NDUFS4: variants seen among roughly 807,000 people sequenced by gnomAD.
NDUFS4 encodes NADH:ubiquinone oxidoreductase subunit S4.
NDUFS4 carries 28 observed loss-of-function variants against 24.3 expected under a neutral mutation model. The ratio of observed to expected loss-of-function variants is 1.15; its 90% CI spans 0.85 to 1.58. The LOEUF is 1.58. NDUFS4 is among the 40% of genes most tolerant of loss of function. The probability of loss-of-function intolerance (pLI) is 0.00; values close to 1 mark genes in which losing one functional copy is unlikely to be tolerated. For missense variants in NDUFS4, 223 were observed against 207.9 expected (o/e 1.07, Z -0.45); for synonymous variants, 93 against 69.7 (o/e 1.34, Z -1.67).
At position 53,646,306 on chromosome 5, in the gene NDUFS4, G is replaced by T. The variant is rs374491359; in HGVS notation, c.251G>T (p.Arg84Leu). The T allele has an allele frequency of 5.6e-6, 9 of 1,613,340 alleles. No individual in the cohort carries two copies. The Admixed American group carries it at 8.3e-5, about 15-fold the overall frequency. ...TRKVRIFVPARNNMQSGVNNT... is the reference protein window; with the variant it reads ...TRKVRIFVPALNNMQSGVNNT... ...AAAGTCAGGATCTTTGTTCCTGCTC[G>T]CAATAACATGCAGTCTGGAGTAAAC... Residue 84 changes from arginine to leucine, a missense_variant, in exon 3 of 5, where the codon CGC becomes CTC. By Grantham distance (102) the Arg-to-Leu change is moderately radical. Transcript: ENST00000296684.
chr5:53,633,289 A>T (rs1226383648), intron 2 of NDUFS4, among the ~76,000 whole-genome samples: 1 of 152,176 alleles, frequency 6.6e-6, no homozygotes, highest in Non-Finnish European at 1.5e-5. Flanking sequence ...TGAATATTTT[A>T]TGAAGAAGGC....
chr5:53,647,176 G>A (rs1751893406), intron 3 of NDUFS4, among the ~76,000 whole-genome samples: 3 of 151,356 alleles, frequency 2.0e-5, no homozygotes, highest in Admixed American at 6.6e-5. Context: ...GAGATATTGT[G>A]ATTAATAATA....
At chr5:53,661,104 G>C (rs1752330129) in intron 4 of NDUFS4, among the ~76,000 whole-genome samples, 1 of 152,110 alleles carries the variant, frequency 6.6e-6, no homozygotes, top group Non-Finnish European at 1.5e-5. Context: ...GTATTGCCTA[G>C]GTTTTCTTCT....
chr5:53,567,543 A>G (rs1240275554), intron 1 of NDUFS4, among the ~76,000 whole-genome samples: 1 of 152,158 alleles, frequency 6.6e-6, no homozygotes, highest in East Asian at 1.9e-4. Flanking sequence ...AAAAATATAT[A>G]TAACAAGATA....
chr5:53,621,851 G>A (rs1207108288), intron 2 of NDUFS4, among the ~76,000 whole-genome samples: 7 of 151,498 alleles, frequency 4.6e-5, no homozygotes, highest in Non-Finnish European at 1.0e-4. Context: ...ACAGGCGTGC[G>A]CCACCATGCC....
At chr5:53,632,911 A>G (rs1751445811) in intron 2 of NDUFS4, among the ~76,000 whole-genome samples, 1 of 152,246 alleles carries the variant, frequency 6.6e-6, no homozygotes, top group Non-Finnish European at 1.5e-5. Context: ...TTTTAAACCA[A>G]CCTTTAAAAA....
intron 1 of NDUFS4, among the ~76,000 whole-genome samples, chr5:53,576,853 G>A (rs1247769562): frequency 6.6e-6 from 1 of 152,114 alleles, no homozygotes. Flanking sequence ...GCTAATGTTT[G>A]TTCACCCATT....
chr5:53,681,719 A>G (rs1740671708), intron 4 of NDUFS4, among the ~76,000 whole-genome samples: 1 of 152,076 alleles, frequency 6.6e-6, no homozygotes, highest in South Asian at 2.1e-4. Context: ...CCATTTCCTT[A>G]TAGTTATTGG....
At chr5:53,668,653 G>T (rs1325287417) in intron 4 of NDUFS4, among the ~76,000 whole-genome samples, 2 of 148,118 alleles carry the variant, frequency 1.4e-5, no homozygotes, top group African/African-American at 5.0e-5. Flanking sequence ...TAGAGACAGG[G>T]TTTTACCATG....
At chr5:53,580,241 T>TG (rs945972546) in intron 1 of NDUFS4, among the ~76,000 whole-genome samples, 1 of 152,194 alleles carries the variant, frequency 6.6e-6, no homozygotes, top group Non-Finnish European at 1.5e-5. Flanking sequence ...CACATATACG[T>TG]GGCAACTACA....
intron 4 of NDUFS4, among the ~76,000 whole-genome samples, chr5:53,675,408 C>T (rs536591465): frequency 1.6e-4 from 25 of 152,094 alleles, no homozygotes; most frequent in African/African-American, 5.3e-4. Flanking sequence ...GTGATCCGCC[C>T]GCCTTGGCCT....
intron 2 of NDUFS4, among the ~76,000 whole-genome samples, chr5:53,623,112 T>C (rs947101332): frequency 1.3e-5 from 2 of 152,212 alleles, no homozygotes; most frequent in Non-Finnish European, 2.9e-5. Flanking sequence ...AATCTCTGCT[T>C]TCAAGTTTTT....
chr5:53,608,181 G>A (rs1394588071), intron 2 of NDUFS4, among the ~76,000 whole-genome samples: 1 of 152,098 alleles, frequency 6.6e-6, no homozygotes, highest in Non-Finnish European at 1.5e-5. Context: ...TGCTAAGTGT[G>A]CATTAGCATT....
chr5:53,610,423 A>C lies in NDUFS4; in HGVS notation c.177+6893A>C, dbSNP rs570443961. 3.8e-3 allele frequency among the ~76,000 whole-genome samples: 578 copies of C among 152,298 alleles called. 2 individuals carry two copies. The highest frequency in any genetic ancestry group is 0.01 in the Middle Eastern group (3 of 294). ...CAGAGCACCATAACACATACAATGC[A>C]AAAGTTTGAAATATTGGGAGAATTG... is the stretch of plus-strand genomic sequence containing the variant. On this transcript the variant is annotated intron_variant, in intron 2 of 4. Transcript: ENST00000296684.
At chr5:53,571,093 A>G (rs950377507) in intron 1 of NDUFS4, among the ~76,000 whole-genome samples, 2 of 152,166 alleles carry the variant, frequency 1.3e-5, no homozygotes, top group African/African-American at 2.4e-5. Context: ...AAATTTACTC[A>G]TATAAAGTAT....
chr5:53,646,171 A>G (rs1010696379), intron 2 of NDUFS4, 62 bp from the exon 3 acceptor site: 1 of 1,349,906 alleles, frequency 7.4e-7, no homozygotes, highest in African/African-American at 1.5e-5. Context: ...GGAAACAACA[A>G]AAGTACATTA....
chr5:53,649,453 A>C lies in NDUFS4; in HGVS notation c.350+3048A>C, dbSNP rs752823662. Among the ~76,000 whole-genome samples the C allele has an allele frequency of 7.2e-5, 11 of 152,130 alleles. No homozygotes were observed. In the South Asian group the frequency reaches 1.7e-3, roughly 23 times the overall value. ...TCAGCTTTCACAAATGAGAACATGCAGTCTTTGATTTTCTGTTTCTGCATT... is the reference window on the plus strand; with the variant it reads ...TCAGCTTTCACAAATGAGAACATGCCGTCTTTGATTTTCTGTTTCTGCATT... On this transcript the variant is annotated intron_variant, in intron 3 of 4. Coordinates refer to ENST00000296684, the MANE Select transcript of NDUFS4 (RefSeq NM_002495.4).
chr5:53,677,832 T>C (rs1016478201), intron 4 of NDUFS4, among the ~76,000 whole-genome samples: 8 of 152,064 alleles, frequency 5.3e-5, no homozygotes, highest in Non-Finnish European at 1.2e-4. Flanking sequence ...AAATGGAGAG[T>C]AGGAAAAATC....
At chr5:53,569,069 G>T (rs1393070397) in intron 1 of NDUFS4, among the ~76,000 whole-genome samples, 1 of 152,154 alleles carries the variant, frequency 6.6e-6, no homozygotes, top group African/African-American at 2.4e-5. Context: ...ATGTCAGTCT[G>T]TCTTGATGAG....
Sources: gnomAD v4.1 joint callset for allele counts (sites outside exome capture counted in the v4.1 genomes callset) on GRCh38, gnomAD v4.1.1 for gene constraint, MANE v1.5 for transcripts, NCBI Gene and HGNC (gene_info 2026-07-23, HGNC 2026-07-21) for gene names.